Variants in RUSC2 observed in about 807,000 individuals in gnomAD.
RUSC2 encodes the protein RUN and SH3 domain containing 2, also known as AP-4 complex accessory subunit RUSC2.
In RUSC2, 34 loss-of-function variants were observed where a neutral mutation model predicts 122.2. The observed-to-expected ratio is 0.28, with a 90% CI of 0.21 to 0.37. The LOEUF (loss-of-function observed/expected upper bound fraction) is 0.37, where lower values mean the gene tolerates loss of function less well. RUSC2 is among the 10% of genes least tolerant of loss of function. RUSC2 has a pLI of 1.00. For missense variants in RUSC2, 1,747 were observed against 1,952.4 expected (o/e 0.89, Z 1.98); for synonymous variants, 784 against 790.0 (o/e 0.99, Z 0.13).
At chr9:35,533,920 A>G (rs1269219219) in intron 1 of RUSC2, among the ~76,000 whole-genome samples, 1 of 152,208 alleles carries the variant, frequency 6.6e-6, no homozygotes, top group Non-Finnish European at 1.5e-5. Context: ...GCTACTAGGA[A>G]TACTCATATA....
At chr9:35,497,081 G>A (rs565905103) in intron 1 of RUSC2, among the ~76,000 whole-genome samples, 1 of 152,266 alleles carries the variant, frequency 6.6e-6, no homozygotes, top group East Asian at 1.9e-4. Context: ...CCCATGTAAA[G>A]TTTGACGATC....
At chr9:35,494,870 T>A in intron 1 of RUSC2, among the ~76,000 whole-genome samples, 1 of 143,908 alleles carries the variant, frequency 6.9e-6, no homozygotes, top group Non-Finnish European at 1.5e-5. Flanking sequence ...TTAAGTGACA[T>A]GAAGCTTTCC....
intron 2 of RUSC2, 102 bp from the exon 3 acceptor site, chr9:35,554,958 A>T (rs1821975980): frequency 7.3e-7 from 1 of 1,362,880 alleles, no homozygotes; most frequent in Non-Finnish European, 1.0e-6. Context: ...CCTGCCAGCC[A>T]GGTCCCTGCC....
rs1447323852 is a variant in RUSC2 at position 35,561,059 on chromosome 9, G to A, written c.4311G>A (p.Gln1437=). Residue 1437 remains glutamine, a synonymous_variant, in exon 11 of 12, where the codon CAG becomes CAA. Coordinates refer to ENST00000361226, the MANE Select transcript of RUSC2 (RefSeq NM_014806.5). The part of the protein sequence containing the change: ...RREPEPKESL[Q]EPHSPALPSS... Reference sequence around the variant, plus strand: ...AGCCAGAGCCCAAGGAGAGCCTGCAGGAGCCACACTCCCCAGCCCTGCCCT... The same window carrying A: ...AGCCAGAGCCCAAGGAGAGCCTGCAAGAGCCACACTCCCCAGCCCTGCCCT... The A allele has an allele frequency of 6.2e-7, 1 of 1,614,024 alleles. No individual in the cohort carries two copies. Among genetic ancestry groups the A allele is most frequent in the African/African-American group, 1.3e-5 (1 of 74,948 alleles).
intron 1 of RUSC2, among the ~76,000 whole-genome samples, chr9:35,534,484 A>C (rs1393160486): frequency 1.3e-5 from 2 of 150,476 alleles, no homozygotes; most frequent in East Asian, 3.9e-4. Context: ...TTATTTATTT[A>C]CTTATTTATT....
chr9:35,542,869 C>T (rs1483363809), intron 1 of RUSC2, among the ~76,000 whole-genome samples: 1 of 152,216 alleles, frequency 6.6e-6, no homozygotes. Context: ...CATATTAATG[C>T]ATGTATGTCC....
intron 1 of RUSC2, among the ~76,000 whole-genome samples, chr9:35,498,007 G>A (rs1013556033): frequency 6.6e-6 from 1 of 152,134 alleles, no homozygotes; most frequent in African/African-American, 2.4e-5. Context: ...GTTTTTATGT[G>A]TTGATTTTGT....
At chr9:35,524,822 T>G (rs1005430125) in intron 1 of RUSC2, among the ~76,000 whole-genome samples, 1 of 151,982 alleles carries the variant, frequency 6.6e-6, no homozygotes, top group Non-Finnish European at 1.5e-5. Context: ...ATACAAAAAA[T>G]TAGCCGGGCG....
intron 1 of RUSC2, among the ~76,000 whole-genome samples, chr9:35,543,155 G>T (rs1028930795): frequency 6.6e-6 from 1 of 152,204 alleles, no homozygotes; most frequent in Non-Finnish European, 1.5e-5. Context: ...GCCCGGCATG[G>T]TGGCTCACAT....
In RUSC2 at chr9:35,548,313, C is replaced by T. The variant is rs1422871912; in HGVS notation, c.1792C>T (p.Pro598Ser). 7 of 1,613,930 alleles carry T rather than the reference C, an allele frequency of 4.3e-6. No homozygotes were observed. The African/African-American group carries it at 8.0e-5, about 18-fold the overall frequency. The change falls in exon 2 of 12, where the codon CCA becomes TCA. Residue 598 changes from proline (P) to serine (S), a missense_variant. Pro to Ser is a moderately conservative substitution (Grantham distance 74). Coordinates refer to ENST00000361226, the MANE Select transcript of RUSC2 (RefSeq NM_014806.5). The surrounding 1 kb of genome is among the most constrained non-coding windows in gnomAD (Gnocchi z 4.5). The part of the protein sequence containing the change: ...DEGTCCSHSL[P>S]PMPLGPGMDL... ...GGGCACTTGCTGTAGCCATAGCCTG[C>T]CACCCATGCCTTTGGGGCCAGGCAT...
chr9:35,511,852 C>T (rs150933955), intron 1 of RUSC2, among the ~76,000 whole-genome samples: 1 of 152,210 alleles, frequency 6.6e-6, no homozygotes, highest in African/African-American at 2.4e-5. Context: ...ATGTTATCTA[C>T]CTGTAAACTA....
At position 35,547,041 on chromosome 9, in the gene RUSC2, C is replaced by G; in HGVS notation, c.520C>G (p.Gln174Glu). The G allele has an allele frequency of 6.2e-7, 1 of 1,610,458 alleles. No homozygotes were observed. Among genetic ancestry groups the G allele is most frequent in the Non-Finnish European group, 8.5e-7 (1 of 1,177,790 alleles). ...GGCTGGAGTGGTGGAAGGGCAGGAA[C>G]AGGAGCCAGTGATGACCTTGGATAC... The part of the protein sequence containing the change: ...SRAGVVEGQE[Q>E]EPVMTLDTQQ... The change falls in exon 2 of 12, where the codon CAG (glutamine) becomes GAG (glutamate). Residue 174 changes from glutamine to glutamate, a missense_variant. Physicochemically the swap from Gln to Glu is conservative, Grantham distance 29. Coordinates refer to ENST00000361226, the MANE Select transcript of RUSC2 (RefSeq NM_014806.5). The surrounding 1 kb of genome is among the most constrained non-coding windows in gnomAD (Gnocchi z 4.6).
At chr9:35,537,425 A>G (rs1821552488) in intron 1 of RUSC2, among the ~76,000 whole-genome samples, 1 of 152,170 alleles carries the variant, frequency 6.6e-6, no homozygotes, top group African/African-American at 2.4e-5. Flanking sequence ...CCTCCTTGAG[A>G]TGACCGCTAA....
intron 1 of RUSC2, among the ~76,000 whole-genome samples, chr9:35,542,534 TGACAGAG>T (rs1438051067): frequency 1.3e-5 from 2 of 152,200 alleles, no homozygotes; most frequent in Non-Finnish European, 2.9e-5. Context: ...GGCATATATC[TGACAGAG>T]GACTTGTATC....
At chr9:35,559,497 G>A (rs1822094925) in intron 9 of RUSC2, among the ~76,000 whole-genome samples, 1 of 152,178 alleles carries the variant, frequency 6.6e-6, no homozygotes, top group African/African-American at 2.4e-5. Flanking sequence ...CACTTTGGGA[G>A]GCCGAGGCAC....
intron 9 of RUSC2, 65 bp downstream of exon 9, chr9:35,559,337 G>A: frequency 1.5e-6 from 2 of 1,357,194 alleles, no homozygotes; most frequent in Non-Finnish European, 2.1e-6. Flanking sequence ...AAAGAGGAAG[G>A]AAGAGCTGTC....
rs1200083142 is a variant in RUSC2 at position 35,558,527 on chromosome 9, C to G, written c.3301C>G (p.His1101Asp). The change falls in exon 8 of 12, where the codon CAT becomes GAT. Residue 1101 changes from histidine to aspartate, a missense_variant. Transcript: ENST00000361226. This position sits in a 1 kb window ranked among gnomAD's most constrained non-coding sequence, Gnocchi z 4.3. ...CAGCCAATTCCCAGAGCTCACCAGT[C>G]ATACCATGCGCTTCAACGCCTTCAT... The part of the protein sequence containing the change: ...KVSQFPELTS[H>D]TMRFNAFILG... 6.2e-7 allele frequency: 1 copy of G among 1,614,172 alleles called. No individual in the cohort carries two copies. Among genetic ancestry groups the G allele is most frequent in the South Asian group, 1.1e-5 (1 of 91,068 alleles).
At chr9:35,495,395 A>G (rs1462295352) in intron 1 of RUSC2, among the ~76,000 whole-genome samples, 2 of 149,820 alleles carry the variant, frequency 1.3e-5, no homozygotes, top group African/African-American at 4.9e-5. Flanking sequence ...GTGGATATCC[A>G]GTTTTTCCAA....
At position 35,546,741 on chromosome 9, in the gene RUSC2, C is replaced by G. The variant is rs756278175; in HGVS notation, c.220C>G (p.Pro74Ala). Reference sequence around the variant, plus strand: ...GCTATTCAGCAGCCTGCACTCTACTCCAGGAGGAACTGCACGGTCTATAGA... The same window carrying G: ...GCTATTCAGCAGCCTGCACTCTACTGCAGGAGGAACTGCACGGTCTATAGA... ...SLLFSSLHST[P>A]GGTARSIDST... The change falls in exon 2 of 12, where the codon CCA (proline) becomes GCA (alanine). Residue 74 changes from proline (P) to alanine (A), a missense_variant. Physicochemically the swap from Pro to Ala is conservative, Grantham distance 27 (BLOSUM62 -1). Transcript: ENST00000361226. This position sits in a 1 kb window ranked among gnomAD's most constrained non-coding sequence, Gnocchi z 4.3. The G allele has an allele frequency of 3.8e-6, 6 of 1,577,246 alleles. No homozygotes were observed. The South Asian group carries it at 4.8e-5, about 13-fold the overall frequency.
Sources: allele counts gnomAD v4.1 joint callset (sites outside exome capture counted in the v4.1 genomes callset), GRCh38; gene constraint gnomAD v4.1.1; non-coding constraint Gnocchi (gnomAD v3.1); transcripts MANE v1.5; gene names NCBI Gene and HGNC (gene_info 2026-07-23, HGNC 2026-07-21).